Variants in RANBP9 observed in about 807,000 individuals in gnomAD.
RANBP9 encodes the protein ran-binding protein 9.
A neutral mutation model predicts 84.3 loss-of-function variants in RANBP9; 15 were observed. The observed-to-expected ratio is 0.18, with a 90% CI of 0.12 to 0.27. The LOEUF is 0.27. Ranked by LOEUF, RANBP9 falls within the 10% of genes least tolerant of loss-of-function variation. The probability of loss-of-function intolerance (pLI) is 1.00; values close to 1 mark genes in which losing one functional copy is unlikely to be tolerated. For synonymous variants in RANBP9, 392 were observed against 349.6 expected (o/e 1.12, Z -1.35); for missense variants, 809 against 912.8 (o/e 0.89, Z 1.46).
chr6:13,632,791 A>AC (rs1484935988), intron 11 of RANBP9: 1 of 254,042 alleles, frequency 3.9e-6, no homozygotes. Context: ...TGTCAGAAAA[A>AC]AATTTTAGAA....
chr6:13,658,808 A>C lies in RANBP9; in HGVS notation c.708T>G (p.Ala236=). 1 of 1,578,852 alleles carries C rather than the reference A, an allele frequency of 6.3e-7. No homozygotes were observed. Among genetic ancestry groups the C allele is most frequent in the Non-Finnish European group, 8.7e-7 (1 of 1,148,122 alleles). ...GTAGTCTATTCATGTTCACACCTTG[A>C]GCAGAAAGACCAATTCCCATGTAAC... ...RDGYMGIGLS[A]QGVNMNRLPG... The change falls in exon 3 of 14, where the codon GCT becomes GCG. Residue 236 remains alanine (A), a synonymous_variant. Transcript: ENST00000011619.
intron 7 of RANBP9, 93 bp downstream of exon 7, chr6:13,642,386 T>G (rs1469399877): frequency 3.7e-6 from 2 of 543,376 alleles, no homozygotes; most frequent in African/African-American, 4.0e-5. Context: ...TATTTGAAAT[T>G]TTTTTAATTA....
At chr6:13,697,829 A>G (rs945061239) in intron 1 of RANBP9, among the ~76,000 whole-genome samples, 2 of 152,242 alleles carry the variant, frequency 1.3e-5, no homozygotes, top group Non-Finnish European at 2.9e-5. Context: ...ATGAGAAACA[A>G]TACTCTAAAT....
At chr6:13,675,751 A>T (rs1030109139) in intron 2 of RANBP9, among the ~76,000 whole-genome samples, 1 of 151,740 alleles carries the variant, frequency 6.6e-6, no homozygotes, top group Non-Finnish European at 1.5e-5. Flanking sequence ...AAAAACACAA[A>T]TTATTAATAC....
intron 2 of RANBP9, among the ~76,000 whole-genome samples, chr6:13,690,748 T>C (rs1379182303): frequency 6.6e-6 from 1 of 152,196 alleles, no homozygotes; most frequent in Non-Finnish European, 1.5e-5. Context: ...ATTTAAAATT[T>C]GAATGAAATC....
intron 12 of RANBP9, among the ~76,000 whole-genome samples, chr6:13,632,110 A>C (rs1293216726): frequency 9.1e-6 from 1 of 109,812 alleles, no homozygotes; most frequent in Non-Finnish European, 1.8e-5. Context: ...TAGCACTGGG[A>C]TTTAATCCTT....
chr6:13,706,137 A>G (rs979930025), intron 1 of RANBP9, among the ~76,000 whole-genome samples: 16 of 151,958 alleles, frequency 1.1e-4, no homozygotes, highest in African/African-American at 2.4e-4. Flanking sequence ...AGGTCAGCAG[A>G]TAAGAGACCA....
At chr6:13,633,840 G>A (rs17769105) in intron 11 of RANBP9, among the ~76,000 whole-genome samples, 18,744 of 152,056 alleles carry the variant, frequency 0.12, 1,429 homozygotes, top group South Asian at 0.16. Context: ...CCATTTGATG[G>A]GATAGTTTGC....
intron 5 of RANBP9, among the ~76,000 whole-genome samples, chr6:13,645,309 T>TA (rs149605857): frequency 3.9e-4 from 58 of 147,698 alleles, no homozygotes; most frequent in Middle Eastern, 3.5e-3. Flanking sequence ...TTCTCTATAT[T>TA]AAAAAAAAAA....
rs1273855315 is a variant in RANBP9 at position 13,677,364 on chromosome 6, A to G, written c.684-18532T>C. Among the ~76,000 whole-genome samples the G allele has an allele frequency of 3.3e-5, 5 of 152,332 alleles. No homozygotes were observed. In the East Asian group the frequency reaches 9.6e-4, roughly 29 times the overall value. ...CTCAAAGAAAAGCTAAATAAATAGA[A>G]AAATAGCCTATGTTCATGGACAGGA... On this transcript the variant is annotated intron_variant, in intron 2 of 13. Transcript: ENST00000011619.
At chr6:13,658,197 A>G (rs533278582) in intron 3 of RANBP9, among the ~76,000 whole-genome samples, 2 of 152,206 alleles carry the variant, frequency 1.3e-5, no homozygotes, top group East Asian at 3.8e-4. Flanking sequence ...CCACATTAAA[A>G]TATTTAAAGT....
chr6:13,629,435 T>C (rs1764714425), intron 12 of RANBP9, among the ~76,000 whole-genome samples: 1 of 152,186 alleles, frequency 6.6e-6, no homozygotes, highest in Non-Finnish European at 1.5e-5. Flanking sequence ...ATACCTGAAA[T>C]ATGTAGCATT....
intron 2 of RANBP9, among the ~76,000 whole-genome samples, chr6:13,670,805 A>G (rs1317432389): frequency 6.6e-6 from 1 of 150,744 alleles, no homozygotes; most frequent in Non-Finnish European, 1.5e-5. Context: ...ATCTTAGAAA[A>G]AAAAAAAAAA....
At chr6:13,666,179 T>A (rs1265097414) in intron 2 of RANBP9, among the ~76,000 whole-genome samples, 1 of 152,138 alleles carries the variant, frequency 6.6e-6, no homozygotes, top group Non-Finnish European at 1.5e-5. Flanking sequence ...TAGTTAATGA[T>A]ATATACATGC....
chr6:13,683,188 T>C (rs1766085260), intron 2 of RANBP9, among the ~76,000 whole-genome samples: 2 of 152,134 alleles, frequency 1.3e-5, no homozygotes, highest in Non-Finnish European at 2.9e-5. Context: ...TACTAAATCA[T>C]CCACAAAGCC....
chr6:13,624,013 T>C (rs1584904833), intron 13 of RANBP9, among the ~76,000 whole-genome samples: 1 of 152,226 alleles, frequency 6.6e-6, no homozygotes, highest in African/African-American at 2.4e-5. Flanking sequence ...AAGACATTTA[T>C]AGTAAACCAT....
At chr6:13,639,898 C>G in intron 8 of RANBP9, 145 bp from the exon 9 acceptor site, 1 of 692,758 alleles carries the variant, frequency 1.4e-6, no homozygotes, top group East Asian at 2.7e-5. Context: ...AATATGGTGT[C>G]CTATGCTTTA....
At chr6:13,658,055 TA>T (rs1475958309) in intron 3 of RANBP9, among the ~76,000 whole-genome samples, 2 of 152,168 alleles carry the variant, frequency 1.3e-5, no homozygotes, top group African/African-American at 4.8e-5. Context: ...TTCCTTCTCA[TA>T]AGTGGTACTG....
chr6:13,677,031 G>T (rs1022547650), intron 2 of RANBP9, among the ~76,000 whole-genome samples: 2 of 151,832 alleles, frequency 1.3e-5, no homozygotes, highest in African/African-American at 4.8e-5. Flanking sequence ...GACAAGAAAA[G>T]GAAATAAAAG....
Sources: allele counts gnomAD v4.1 joint callset (sites outside exome capture counted in the v4.1 genomes callset), GRCh38; gene constraint gnomAD v4.1.1; transcripts MANE v1.5; gene names NCBI Gene and HGNC (gene_info 2026-07-23, HGNC 2026-07-21).